The following ESRRG variants were observed in gnomAD, a reference collection of about 807,000 sequenced individuals.
ESRRG encodes the protein estrogen related receptor gamma.
ESRRG carries 13 observed loss-of-function variants against 44.0 expected under a neutral mutation model. The observed-to-expected ratio is 0.30, with a 90% CI of 0.19 to 0.47. The LOEUF is 0.47. Ranked by LOEUF, ESRRG falls within the 20% of genes least tolerant of loss-of-function variation. The probability of loss-of-function intolerance (pLI) is 1.00; values close to 1 mark genes in which losing one functional copy is unlikely to be tolerated. For synonymous variants in ESRRG, 215 were observed against 214.6 expected (o/e 1.00, Z -0.02); for missense variants, 395 against 580.6 (o/e 0.68, Z 3.29).
At chr1:217,119,566 A>G (rs1441719327) in intron 1 of ESRRG, among the ~76,000 whole-genome samples, 1 of 152,206 alleles carries the variant, frequency 6.6e-6, no homozygotes, top group African/African-American at 2.4e-5. Context: ...AATTCATTCT[A>G]ATTTCATTTT....
In ESRRG at chr1:216,622,651, G is replaced by A. The variant is rs924420195; in HGVS notation, c.589+28322C>T. On this transcript the variant is annotated intron_variant, in intron 3 of 6. Coordinates refer to ENST00000408911, the MANE Select transcript of ESRRG (RefSeq NM_001438.4). The stretch of plus-strand genomic sequence containing the variant: ...ACACACACACGCTTCCCATAAGATA[G>A]TGCATCTAATTATTTCATTGGTAGG... Among the ~76,000 whole-genome samples the A allele has an allele frequency of 1.4e-5, 2 of 146,820 alleles. 1 individual carries two copies. Among genetic ancestry groups the A allele is most frequent in the South Asian group, 4.3e-4 (2 of 4,648 alleles).
At chr1:216,530,480 G>A (rs1005859711) in intron 5 of ESRRG, among the ~76,000 whole-genome samples, 1 of 152,218 alleles carries the variant, frequency 6.6e-6, no homozygotes. Context: ...AATGAAGGTA[G>A]AGTTGCTGGC....
At chr1:216,873,534 A>G (rs2096290488) in intron 2 of ESRRG, among the ~76,000 whole-genome samples, 1 of 151,968 alleles carries the variant, frequency 6.6e-6, no homozygotes, top group African/African-American at 2.4e-5. Flanking sequence ...AAACATCTTT[A>G]TGAGGTTCTT....
At chr1:216,651,523 A>G (rs1023479309) in intron 2 of ESRRG, among the ~76,000 whole-genome samples, 1 of 152,174 alleles carries the variant, frequency 6.6e-6, no homozygotes, top group African/African-American at 2.4e-5. Flanking sequence ...CTGACACTGA[A>G]CAGTATAAAC....
At chr1:217,095,858 T>C (rs1319779228) in intron 1 of ESRRG, among the ~76,000 whole-genome samples, 1 of 152,148 alleles carries the variant, frequency 6.6e-6, no homozygotes, top group African/African-American at 2.4e-5. Flanking sequence ...AGCCAGTGCA[T>C]GCCAGCCTGG....
intron 2 of ESRRG, among the ~76,000 whole-genome samples, chr1:216,676,110 T>A (rs189979141): frequency 2.6e-5 from 4 of 152,182 alleles, no homozygotes; most frequent in African/African-American, 9.7e-5. Flanking sequence ...CAAAATATAT[T>A]TTTTTCTTCC....
chr1:216,557,075 T>G (rs1448824332), intron 5 of ESRRG, among the ~76,000 whole-genome samples: 1 of 152,162 alleles, frequency 6.6e-6, no homozygotes, highest in Non-Finnish European at 1.5e-5. Context: ...GAGCATCCAG[T>G]CTTAGCAACC....
chr1:216,536,268 T>C (rs2050935717), intron 5 of ESRRG, among the ~76,000 whole-genome samples: 6 of 152,066 alleles, frequency 3.9e-5, no homozygotes, highest in Admixed American at 3.9e-4. Context: ...ATTTCTGGTT[T>C]TTTACAGGTC....
chr1:216,750,751 G>A (rs1182756417), intron 2 of ESRRG, among the ~76,000 whole-genome samples: 1 of 71,292 alleles, frequency 1.4e-5, no homozygotes, highest in Non-Finnish European at 3.5e-5. Context: ...ACTAAAGAGA[G>A]TTATTTACCT....
At chr1:217,111,603 T>G (rs1580604691) in intron 1 of ESRRG, among the ~76,000 whole-genome samples, 1 of 151,996 alleles carries the variant, frequency 6.6e-6, no homozygotes, top group African/African-American at 2.4e-5. Context: ...AAGGCAGAAG[T>G]TTTTTTTCAA....
intron 1 of ESRRG, among the ~76,000 whole-genome samples, chr1:216,682,773 G>A (rs4846641): frequency 0.49 from 73,570 of 150,594 alleles, 18,387 homozygotes; most frequent in African/African-American, 0.58. Flanking sequence ...CTCTAGACTA[G>A]TGTTGCAGCT....
At chr1:216,809,740 G>A (rs1378519609) in intron 2 of ESRRG, among the ~76,000 whole-genome samples, 1 of 152,072 alleles carries the variant, frequency 6.6e-6, no homozygotes, top group Non-Finnish European at 1.5e-5. Context: ...CAACAGGACT[G>A]TTGCCGCTCT....
At chr1:216,638,190 C>G (rs1411848868) in intron 3 of ESRRG, among the ~76,000 whole-genome samples, 1 of 152,128 alleles carries the variant, frequency 6.6e-6, no homozygotes, top group African/African-American at 2.4e-5. Flanking sequence ...TTTCCTAATG[C>G]TGTCATTTAC....
At chr1:216,692,584 T>C (rs959290719) in intron 1 of ESRRG, among the ~76,000 whole-genome samples, 2 of 152,122 alleles carry the variant, frequency 1.3e-5, no homozygotes, top group African/African-American at 4.8e-5. Flanking sequence ...TTTAAATAAA[T>C]GTACTGTCAC....
intron 1 of ESRRG, among the ~76,000 whole-genome samples, chr1:217,060,813 T>TAGAC (rs1464622049): frequency 1.0e-3 from 44 of 43,204 alleles, no homozygotes; most frequent in East Asian, 3.3e-3. Flanking sequence ...GATAGATAGA[T>TAGAC]AGATAGATAG....
chr1:217,099,861 C>G (rs532575459), intron 1 of ESRRG, among the ~76,000 whole-genome samples: 2 of 152,150 alleles, frequency 1.3e-5, no homozygotes, highest in South Asian at 2.1e-4. Flanking sequence ...GATGGCCCAT[C>G]AAGCTCAGAA....
chr1:216,936,937 C>T (rs2064236004), intron 2 of ESRRG, among the ~76,000 whole-genome samples: 1 of 151,988 alleles, frequency 6.6e-6, no homozygotes, highest in African/African-American at 2.4e-5. Context: ...TGGGCACATA[C>T]CCAGGGGCAG....
chr1:216,769,730 T>C (rs1358905483), intron 2 of ESRRG, among the ~76,000 whole-genome samples: 1 of 152,070 alleles, frequency 6.6e-6, no homozygotes, highest in Non-Finnish European at 1.5e-5. Flanking sequence ...GGAAGCAAGT[T>C]AAGGACAAAT....
chr1:216,633,395 C>T (rs2064652020), intron 3 of ESRRG, among the ~76,000 whole-genome samples: 1 of 152,172 alleles, frequency 6.6e-6, no homozygotes, highest in Non-Finnish European at 1.5e-5. Flanking sequence ...CTCCTATTGC[C>T]TAGATTCCAA....
Sources: gnomAD v4.1 joint callset for allele counts (sites outside exome capture counted in the v4.1 genomes callset) on GRCh38, gnomAD v4.1.1 for gene constraint, MANE v1.5 for transcripts, NCBI Gene and HGNC (gene_info 2026-07-23, HGNC 2026-07-21) for gene names.